Variants in ADGRL2 observed in about 807,000 individuals in gnomAD.
The protein encoded by ADGRL2 is calcium-independent alpha-latrotoxin receptor 2.
A neutral mutation model predicts 157.4 loss-of-function variants in ADGRL2; 44 were observed. The observed-to-expected ratio is 0.28, with a 90% confidence interval of 0.22 to 0.36. The LOEUF (loss-of-function observed/expected upper bound fraction) is 0.36, where lower values mean the gene tolerates loss of function less well. Ranked by LOEUF, ADGRL2 falls within the 10% of genes least tolerant of loss-of-function variation. The pLI is 1.00. For synonymous variants in ADGRL2, 585 were observed against 624.7 expected (o/e 0.94, Z 0.95); for missense variants, 1,510 against 1,768.9 (o/e 0.85, Z 2.63).
intron 2 of ADGRL2, among the ~76,000 whole-genome samples, chr1:81,500,119 T>C (rs948609162): frequency 6.6e-6 from 1 of 152,164 alleles, no homozygotes; most frequent in African/African-American, 2.4e-5. Context: ...AAAACACATC[T>C]CCTCGCTAAG....
At chr1:81,666,359 T>G (rs1464079326) in intron 3 of ADGRL2, among the ~76,000 whole-genome samples, 1 of 152,164 alleles carries the variant, frequency 6.6e-6, no homozygotes, top group Non-Finnish European at 1.5e-5. Context: ...TCACTCCTGT[T>G]GAAAATAAAT....
At chr1:81,375,831 T>C (rs1307884563) in intron 1 of ADGRL2, among the ~76,000 whole-genome samples, 3 of 152,190 alleles carry the variant, frequency 2.0e-5, no homozygotes, top group Admixed American at 6.5e-5. Context: ...AATTCAGCTA[T>C]GGTTCATCGC....
intron 3 of ADGRL2, among the ~76,000 whole-genome samples, chr1:81,668,162 C>A (rs1377041622): frequency 2.6e-5 from 4 of 152,084 alleles, no homozygotes; most frequent in Non-Finnish European, 4.4e-5. Context: ...GAGGTTCATG[C>A]CTGTAATCCC....
chr1:81,336,165 C>A (rs1450171633), intron 1 of ADGRL2, among the ~76,000 whole-genome samples: 1 of 152,202 alleles, frequency 6.6e-6, no homozygotes, highest in Non-Finnish European at 1.5e-5. Flanking sequence ...TGCCAGCCTG[C>A]CACTTCCAGA....
chr1:81,734,870 C>T (rs968112353), intron 1 of ADGRL2, among the ~76,000 whole-genome samples: 5 of 145,624 alleles, frequency 3.4e-5, no homozygotes, highest in East Asian at 2.0e-4. Context: ...CCTGTCTCTA[C>T]TAAAAATACA....
intron 3 of ADGRL2, among the ~76,000 whole-genome samples, chr1:81,606,514 C>CAA (rs1422107340): frequency 2.6e-5 from 4 of 151,778 alleles, no homozygotes; most frequent in Admixed American, 1.3e-4. Flanking sequence ...CACACACACA[C>CAA]ACACACTCAC....
At chr1:81,628,243 A>C (rs115283118) in intron 3 of ADGRL2, among the ~76,000 whole-genome samples, 301 of 152,328 alleles carry the variant, frequency 2.0e-3, no homozygotes, top group African/African-American at 6.6e-3. Context: ...TTCTGAGGGC[A>C]ACTTGAAAAG....
At chr1:81,936,597 T>G (rs1003106870) in intron 3 of ADGRL2, 131 bp from the exon 4 acceptor site, 30 of 516,958 alleles carry the variant, frequency 5.8e-5, no homozygotes, top group Non-Finnish European at 1.0e-4. Flanking sequence ...GTAGAGTAAC[T>G]TAACATCACT....
At chr1:81,576,695 G>A (rs1205420446) in intron 2 of ADGRL2, among the ~76,000 whole-genome samples, 1 of 151,962 alleles carries the variant, frequency 6.6e-6, no homozygotes, top group Non-Finnish European at 1.5e-5. Flanking sequence ...TGCAACATTG[G>A]CAACCAGTGT....
At chr1:81,321,058 C>G (rs1557594094) in intron 1 of ADGRL2, among the ~76,000 whole-genome samples, 1 of 152,310 alleles carries the variant, frequency 6.6e-6, no homozygotes, top group East Asian at 1.9e-4. Context: ...TTCTGGGTAA[C>G]TTACTGTAGC....
At chr1:81,687,535 T>G (rs926616073) in intron 3 of ADGRL2, among the ~76,000 whole-genome samples, 2 of 152,164 alleles carry the variant, frequency 1.3e-5, no homozygotes, top group African/African-American at 2.4e-5. Flanking sequence ...TGTAAGTCCT[T>G]AAGTGTTAGG....
intron 3 of ADGRL2, among the ~76,000 whole-genome samples, chr1:81,638,104 C>T (rs139135465): frequency 2.6e-4 from 39 of 151,230 alleles, no homozygotes; most frequent in Non-Finnish European, 3.5e-4. Context: ...TCAGAGACCA[C>T]GCAAGCAAGA....
chr1:81,724,474 C>T (rs143262190), intron 1 of ADGRL2, among the ~76,000 whole-genome samples: 1,686 of 152,164 alleles, frequency 0.011, 16 homozygotes, highest in Non-Finnish European at 0.018. Context: ...CTATGAAAGA[C>T]CCATTGTCTT....
chr1:81,329,772 G>A (rs749961117), intron 1 of ADGRL2, among the ~76,000 whole-genome samples: 31 of 152,262 alleles, frequency 2.0e-4, no homozygotes, highest in Non-Finnish European at 4.0e-4. Context: ...TTCAGCAACT[G>A]TTATTTCCAA....
chr1:81,457,803 G>A (rs1018584950), intron 2 of ADGRL2, among the ~76,000 whole-genome samples: 15 of 152,056 alleles, frequency 9.9e-5, no homozygotes. Context: ...CCAAATGGAG[G>A]CCTCACATCA....
At chr1:81,508,063 A>C (rs1432307100) in intron 2 of ADGRL2, among the ~76,000 whole-genome samples, 1 of 152,224 alleles carries the variant, frequency 6.6e-6, no homozygotes, top group Non-Finnish European at 1.5e-5. Context: ...ATTTATTAGC[A>C]TGAATTCTAT....
At chr1:81,634,673 G>A (rs72937223) in intron 3 of ADGRL2, among the ~76,000 whole-genome samples, 18 of 151,984 alleles carry the variant, frequency 1.2e-4, no homozygotes, top group Admixed American at 2.0e-4. Flanking sequence ...ATAGGCACAC[G>A]CCATCACGTT....
intron 3 of ADGRL2, among the ~76,000 whole-genome samples, chr1:81,603,469 C>G (rs374622560): frequency 3.3e-5 from 5 of 152,054 alleles, no homozygotes; most frequent in South Asian, 4.1e-4. Flanking sequence ...ATGACTAAAT[C>G]AATCTGTATA....
chr1:81,791,171 T>C (rs536138043), intron 2 of ADGRL2, among the ~76,000 whole-genome samples: 7 of 152,174 alleles, frequency 4.6e-5, no homozygotes, highest in Non-Finnish European at 7.4e-5. Flanking sequence ...CTTTTTTCTT[T>C]TTAATTAAAA....
Sources: gnomAD v4.1 joint callset for allele counts (sites outside exome capture counted in the v4.1 genomes callset) on GRCh38, gnomAD v4.1.1 for gene constraint, MANE v1.5 for transcripts, NCBI Gene and HGNC (gene_info 2026-07-23, HGNC 2026-07-21) for gene names.